CPAMD8: variants seen among roughly 807,000 people sequenced by gnomAD.
The protein encoded by CPAMD8 is C3 and PZP-like alpha-2-macroglobulin domain-containing protein 8.
CPAMD8 carries 146 observed loss-of-function variants against 224.7 expected under a neutral mutation model. That is an observed-to-expected ratio of 0.65 (90% confidence interval 0.57 to 0.75). CPAMD8 has a LOEUF of 0.75. Among genes scored for constraint, CPAMD8 ranks in the 30% least tolerant of loss-of-function variants. The probability of loss-of-function intolerance (pLI) is 0.00; values close to 1 mark genes in which losing one functional copy is unlikely to be tolerated. For missense variants in CPAMD8, 2,301 were observed against 2,537.5 expected, an observed-to-expected ratio of 0.91 and a Z score of 2.00; for synonymous variants, 966 against 1,044.6, an observed-to-expected ratio of 0.92 and a Z score of 1.45.
At chr19:16,973,393 A>G (rs1297076164) in intron 17 of CPAMD8, among the ~76,000 whole-genome samples, 1 of 151,868 alleles carries the variant, frequency 6.6e-6, no homozygotes, top group African/African-American at 2.4e-5. Flanking sequence ...GTCTCGCTCT[A>G]CCACCCAGGC....
intron 23 of CPAMD8, among the ~76,000 whole-genome samples, chr19:16,934,560 A>C (rs1057472451): frequency 6.6e-6 from 1 of 152,198 alleles, no homozygotes; most frequent in Non-Finnish European, 1.5e-5. Flanking sequence ...AAGACTTTAT[A>C]CTAACCAGAA....
At chr19:16,974,535 A>G (rs2055186652) in intron 17 of CPAMD8, among the ~76,000 whole-genome samples, 1 of 151,944 alleles carries the variant, frequency 6.6e-6, no homozygotes, top group South Asian at 2.1e-4. Flanking sequence ...AAAGCACGTC[A>G]ATGTCATAAC....
At chr19:17,004,458 A>G in intron 7 of CPAMD8, 72 bp from the exon 8 acceptor site, 1 of 957,902 alleles carries the variant, frequency 1.0e-6, no homozygotes, top group East Asian at 2.4e-5. Context: ...AGAGGGAGCC[A>G]GGACCCTGCT....
chr19:17,026,537 CG>C lies in CPAMD8; in HGVS notation c.92+13del. ...GAAGGCGACCGACCTCCTCTGTCGC[CG>C]GAGGATACTCACGGGGCCTGAGGCT... On this transcript the variant is annotated intron_variant, in intron 1 of 41. Coordinates refer to ENST00000443236, the MANE Select transcript of CPAMD8 (RefSeq NM_015692.5). The C allele has an allele frequency of 6.7e-7, 1 of 1,493,920 alleles. No homozygotes were observed. The highest frequency in any genetic ancestry group is 1.2e-5 in the South Asian group (1 of 80,132). 92.5% of individuals were successfully genotyped at this position (1,493,920 alleles called of 1,614,324 possible). A position where few individuals can be genotyped will look rare whatever the true frequency, so the allele number is the denominator to read the frequency against.
At chr19:16,965,269 A>AC (rs397970546) in intron 18 of CPAMD8, among the ~76,000 whole-genome samples, 1 of 152,074 alleles carries the variant, frequency 6.6e-6, no homozygotes, top group Non-Finnish European at 1.5e-5. Flanking sequence ...CAAAAAAAAA[A>AC]GGTCTTCGAC....
chr19:17,014,719 C>A lies in CPAMD8; in HGVS notation c.268-2962G>T, dbSNP rs559989107. ...ATGAGAACAGTATGGGGGAAACCACCCCATGATTCAATTATCTCCCTCTGG... is the reference window on the plus strand; with the variant it reads ...ATGAGAACAGTATGGGGGAAACCACACCATGATTCAATTATCTCCCTCTGG... On this transcript the variant is annotated intron_variant, in intron 3 of 41. Coordinates refer to ENST00000443236, the MANE Select transcript of CPAMD8 (RefSeq NM_015692.5). Among the ~76,000 whole-genome samples the A allele has an allele frequency of 1.7e-4, 26 of 152,208 alleles. No individual in the cohort carries two copies. The South Asian group carries it at 5.2e-3, about 30-fold the overall frequency.
In CPAMD8 at chr19:16,896,167, A is replaced by G. The variant is rs779727793; in HGVS notation, c.5426+9T>C. 1.2e-6 allele frequency: 2 copies of G among 1,613,456 alleles called. No homozygotes were observed. The highest frequency in any genetic ancestry group is 2.7e-5 in the African/African-American group (2 of 74,856). ...TGTCTCTTATCTCTGGGGTGGGCCCAGCTGTTACCTGTCCTCCGCCTCCCC... is the reference window on the plus strand; with the variant it reads ...TGTCTCTTATCTCTGGGGTGGGCCCGGCTGTTACCTGTCCTCCGCCTCCCC... On this transcript the variant is annotated intron_variant, in intron 41 of 41. Transcript: ENST00000443236.
In CPAMD8 at chr19:17,004,386, C is replaced by T; in HGVS notation, c.560G>A (p.Gly187Asp). ...CAAGGGGAAGCTCATGTTGGTGATG[C>T]CTGTGTGAAGAGAGAGGGCAAGGGC... is the stretch of plus-strand genomic sequence containing the variant. ...EWRHLKPFCCGITNMSFPLSD... is the reference protein window; with the variant it reads ...EWRHLKPFCCDITNMSFPLSD... The change falls in exon 8 of 42, where the codon GGC becomes GAC. Residue 187 changes from glycine to aspartate, a missense_variant and splice_region_variant. Around this residue, in one of 4 missense-constraint regions of CPAMD8, gnomAD observed 283 missense variants for 340.6 expected, o/e 0.83. Coordinates refer to ENST00000443236, the MANE Select transcript of CPAMD8 (RefSeq NM_015692.5). 2.5e-6 allele frequency: 4 copies of T among 1,605,752 alleles called. No homozygotes were observed. The highest frequency in any genetic ancestry group is 2.2e-5 in the East Asian group (1 of 44,808).
At chr19:16,994,979 T>C (rs2056079390) in intron 11 of CPAMD8, among the ~76,000 whole-genome samples, 2 of 152,086 alleles carry the variant, frequency 1.3e-5, no homozygotes, top group African/African-American at 4.8e-5. Context: ...ACCACTCCTT[T>C]CTTGAATGCA....
chr19:16,980,547 G>T lies in CPAMD8; in HGVS notation c.1535C>A (p.Ala512Glu), dbSNP rs376522096. The change falls in exon 14 of 42, where the codon GCG becomes GAG. Residue 512 changes from alanine to glutamate, a missense_variant. Physicochemically the swap from Ala to Glu is moderately radical, Grantham distance 107. Coordinates refer to ENST00000443236, the MANE Select transcript of CPAMD8 (RefSeq NM_015692.5). ...AATCGGTTTCTCCAGGGCAGGGGCC[G>T]CCCGCTTGCTTCGCTGCTGGGTGGT... is the stretch of plus-strand genomic sequence containing the variant. ...AHTTQQRSKR[A>E]APALEKPIRL... 4 of 1,613,982 alleles carry T rather than the reference G, an allele frequency of 2.5e-6. No individual in the cohort carries two copies. In the South Asian group the frequency reaches 4.4e-5, roughly 18 times the overall value.
chr19:16,933,544 CA>C (rs200141099), intron 23 of CPAMD8, among the ~76,000 whole-genome samples: 13 of 149,342 alleles, frequency 8.7e-5, no homozygotes, highest in Non-Finnish European at 1.0e-4. Flanking sequence ...CGTTTTTCCA[CA>C]AAAAAAAAGA....
At chr19:16,917,727 C>A (rs1003394769) in intron 27 of CPAMD8, among the ~76,000 whole-genome samples, 2 of 151,988 alleles carry the variant, frequency 1.3e-5, no homozygotes, top group African/African-American at 4.8e-5. Flanking sequence ...GGAAACAGAG[C>A]GAGATCTTGT....
chr19:16,915,717 C>T (rs933755863), intron 27 of CPAMD8, among the ~76,000 whole-genome samples: 5 of 152,084 alleles, frequency 3.3e-5, no homozygotes, highest in African/African-American at 4.8e-5. Context: ...GAGGAAACTT[C>T]GCAAATTCAG....
At chr19:17,001,320 G>GA (rs1170361586) in intron 9 of CPAMD8, among the ~76,000 whole-genome samples, 490 of 42,400 alleles carry the variant, frequency 0.012, 10 homozygotes, top group African/African-American at 0.039. Context: ...GACTCCGTCT[G>GA]AAAAAAAAAA....
chr19:16,967,139 C>A (rs553414249), intron 18 of CPAMD8, among the ~76,000 whole-genome samples: 15 of 152,196 alleles, frequency 9.9e-5, no homozygotes, highest in Admixed American at 2.0e-4. Context: ...CACATATACA[C>A]CATGGAATAC....
chr19:16,930,383 T>C (rs2053510679), intron 23 of CPAMD8, among the ~76,000 whole-genome samples: 1 of 152,018 alleles, frequency 6.6e-6, no homozygotes, highest in African/African-American at 2.4e-5. Context: ...GCACCAATTA[T>C]TATGTGGGGA....
chr19:16,922,883 A>T (rs1227421306), intron 26 of CPAMD8, among the ~76,000 whole-genome samples: 7 of 152,212 alleles, frequency 4.6e-5, no homozygotes, highest in Non-Finnish European at 2.9e-5. Context: ...CACTACATCT[A>T]GGGTGGCTGT....
intron 15 of CPAMD8, among the ~76,000 whole-genome samples, chr19:16,976,562 C>G (rs951359565): frequency 6.6e-6 from 1 of 152,020 alleles, no homozygotes; most frequent in Non-Finnish European, 1.5e-5. Flanking sequence ...CACCCCCTGC[C>G]CACCAAGGAG....
At chr19:16,990,296 G>A (rs1226223742) in intron 12 of CPAMD8, among the ~76,000 whole-genome samples, 1 of 151,844 alleles carries the variant, frequency 6.6e-6, no homozygotes, top group South Asian at 2.1e-4. Context: ...AAAGGGTATT[G>A]GGGGTCAGGC....
Sources: gnomAD v4.1 joint callset for allele counts (sites outside exome capture counted in the v4.1 genomes callset) on GRCh38, gnomAD v4.1.1 for gene constraint, gnomAD v4.1.1 regional missense constraint, MANE v1.5 for transcripts, NCBI Gene and HGNC (gene_info 2026-07-23, HGNC 2026-07-21) for gene names.